MAP3K4: variants seen among roughly 807,000 people sequenced by gnomAD.
MAP3K4 encodes the protein MAP three kinase 1.
MAP3K4 carries 67 observed loss-of-function variants against 185.6 expected under a neutral mutation model. The ratio of observed to expected loss-of-function variants is 0.36; its 90% confidence interval spans 0.30 to 0.44. The LOEUF is 0.44. MAP3K4 is among the 20% of genes least tolerant of loss of function. MAP3K4 has a pLI of 1.00. For missense variants in MAP3K4, 1,551 were observed against 1,995.1 expected (o/e 0.78, Z 4.24); for synonymous variants, 702 against 710.4 (o/e 0.99, Z 0.19).
rs1364857670 is a variant in MAP3K4 at position 161,053,653 on chromosome 6, A to G, written c.1707+3674A>G. Among the ~76,000 whole-genome samples the G allele has an allele frequency of 6.8e-6, 1 of 146,174 alleles. No individual in the cohort carries two copies. Among genetic ancestry groups the G allele is most frequent in the Non-Finnish European group, 1.5e-5 (1 of 65,760 alleles). ...GTTTCCTAGGCTGGAGTGTAATGGG[A>G]AGATCTCGGCTCACTGCAACCTCTG... is the stretch of plus-strand genomic sequence containing the variant. On this transcript the variant is annotated intron_variant, in intron 3 of 26. Coordinates refer to ENST00000392142, the MANE Select transcript of MAP3K4 (RefSeq NM_005922.4). This position sits in a 1 kb window ranked among gnomAD's most constrained non-coding sequence, Gnocchi z 4.2.
At position 161,093,450 on chromosome 6, in the gene MAP3K4, G is replaced by A. The variant is rs1777416088; in HGVS notation, c.3349-323G>A. ...TAGTCTGATAAGTGTCATCAGATTAGCATGATATTGCTCAAAGTGTGAATT... is the reference window on the plus strand; with the variant it reads ...TAGTCTGATAAGTGTCATCAGATTAACATGATATTGCTCAAAGTGTGAATT... On this transcript the variant is annotated intron_variant, in intron 14 of 26. Coordinates refer to ENST00000392142, the MANE Select transcript of MAP3K4 (RefSeq NM_005922.4). This position sits in a 1 kb window ranked among gnomAD's most constrained non-coding sequence, Gnocchi z 5.2. Among the ~76,000 whole-genome samples the A allele has an allele frequency of 6.6e-6, 1 of 152,184 alleles. No homozygotes were observed. The highest frequency in any genetic ancestry group is 2.4e-5 in the African/African-American group (1 of 41,442).
chr6:161,001,774 C>T (rs1371140136), intron 1 of MAP3K4, among the ~76,000 whole-genome samples: 3 of 152,140 alleles, frequency 2.0e-5, no homozygotes. Flanking sequence ...TCTGTTTCCG[C>T]ATTTGAAAGG....
rs997486486 is a variant in MAP3K4, at chr6:161,070,562, G to A, written c.1708-46G>A. 6 of 1,576,434 alleles carry A rather than the reference G, an allele frequency of 3.8e-6. No homozygotes were observed. Among genetic ancestry groups the A allele is most frequent in the Admixed American group, 1.8e-5 (1 of 56,364 alleles). On this transcript the variant is annotated intron_variant, in intron 3 of 26. Coordinates refer to ENST00000392142, the MANE Select transcript of MAP3K4 (RefSeq NM_005922.4). The surrounding 1 kb of genome is among the most constrained non-coding windows in gnomAD (Gnocchi z 4.5). ...TTTATAACCACAACCGTAGAACGTT[G>A]TCTCGTATGCTCTTTTAATCTGTGC...
rs1436974779 is a variant in MAP3K4, at chr6:161,115,770, G to T, written c.4806+468G>T. Reference sequence around the variant, plus strand: ...CAGCCAGGTCAGAAGTGGGGGAGGGGGCATGGAAGACAAAGTAAAGAAACT... The same window carrying T: ...CAGCCAGGTCAGAAGTGGGGGAGGGTGCATGGAAGACAAAGTAAAGAAACT... On this transcript the variant is annotated intron_variant, in intron 26 of 26. Transcript: ENST00000392142. The surrounding 1 kb of genome is among the most constrained non-coding windows in gnomAD (Gnocchi z 6.0). Among the ~76,000 whole-genome samples, 1 of 152,056 alleles carries T rather than the reference G, an allele frequency of 6.6e-6. No individual in the cohort carries two copies. Among genetic ancestry groups the T allele is most frequent in the African/African-American group, 2.4e-5 (1 of 41,396 alleles).
At chr6:161,044,462 G>T (rs1042590865) in intron 2 of MAP3K4, among the ~76,000 whole-genome samples, 1 of 152,182 alleles carries the variant, frequency 6.6e-6, no homozygotes, top group African/African-American at 2.4e-5. Flanking sequence ...AGTCATGTCA[G>T]AGTGGGTAAA....
At chr6:161,068,968 A>G (rs1176441568) in intron 3 of MAP3K4, among the ~76,000 whole-genome samples, 2 of 152,224 alleles carry the variant, frequency 1.3e-5, no homozygotes, top group African/African-American at 4.8e-5. Flanking sequence ...GACTTAAGAT[A>G]TGGCTTCTTC....
intron 25 of MAP3K4, among the ~76,000 whole-genome samples, chr6:161,113,518 G>A (rs1443528413): frequency 6.6e-6 from 1 of 152,120 alleles, no homozygotes; most frequent in East Asian, 1.9e-4. Flanking sequence ...GTAAACTATG[G>A]ACTTCAGTTA....
chr6:161,019,804 T>G (rs1782292801), intron 1 of MAP3K4, among the ~76,000 whole-genome samples: 1 of 152,210 alleles, frequency 6.6e-6, no homozygotes, highest in Admixed American at 6.5e-5. Context: ...TAACTGTTAC[T>G]AGATAAAATG....
intron 1 of MAP3K4, among the ~76,000 whole-genome samples, chr6:161,001,204 G>A (rs1046179167): frequency 1.8e-4 from 27 of 148,944 alleles, no homozygotes; most frequent in African/African-American, 6.4e-4. Flanking sequence ...TCCAAATACT[G>A]AAAAATTTAC....
chr6:161,015,371 G>C (rs1782044345), intron 1 of MAP3K4, among the ~76,000 whole-genome samples: 1 of 152,098 alleles, frequency 6.6e-6, no homozygotes, highest in African/African-American at 2.4e-5. Flanking sequence ...CTACCTAGGT[G>C]ATGGGTCGAT....
chr6:161,048,665 A>C lies in MAP3K4; in HGVS notation c.393A>C (p.Thr131=). 1.2e-6 allele frequency: 2 copies of C among 1,613,264 alleles called. No homozygotes were observed. Among genetic ancestry groups the C allele is most frequent in the East Asian group, 2.2e-5 (1 of 44,870 alleles). Residue 131 remains threonine (T), a synonymous_variant, in exon 3 of 27, where the codon ACA becomes ACC. Coordinates refer to ENST00000392142, the MANE Select transcript of MAP3K4 (RefSeq NM_005922.4). This position sits in a 1 kb window ranked among gnomAD's most constrained non-coding sequence, Gnocchi z 4.7. The part of the protein sequence containing the change: ...NQPPHKDTGK[T]VENVEEYSYK... The stretch of plus-strand genomic sequence containing the variant: ...CTCCACATAAAGACACTGGAAAAAC[A>C]GTGGAGAATGTGGAAGAATACAGCT...
rs1406033369 is a variant in MAP3K4 at position 161,102,761 on chromosome 6, C to T, written c.3838C>T (p.Leu1280=). 4 of 1,478,620 alleles carry T rather than the reference C, an allele frequency of 2.7e-6. No homozygotes were observed. The highest frequency in any genetic ancestry group is 1.9e-6 in the Non-Finnish European group (2 of 1,078,844). The allele number at this position is 1,478,620 out of a possible 1,614,324, so 91.6% of individuals were successfully genotyped here. The change falls in exon 19 of 27, where the codon CTA becomes TTA. Residue 1280 remains leucine, a synonymous_variant. Transcript: ENST00000392142. ...AAGAAGAAGTTGGGAACTTCGGACA[C>T]TAATCAGCCAGAGTAAAGGTGAGAG... ...STRRSWELRT[L]ISQSKDTASK... is the part of the protein sequence containing the mutation.
At chr6:161,089,606 T>A in intron 11 of MAP3K4, 135 bp downstream of exon 11, 1 of 798,766 alleles carries the variant, frequency 1.3e-6, no homozygotes, top group Non-Finnish European at 1.9e-6. Flanking sequence ...CTCTTCCCAA[T>A]ACATATTTTC....
intron 1 of MAP3K4, among the ~76,000 whole-genome samples, chr6:161,010,224 T>G (rs1486351546): frequency 6.6e-6 from 1 of 152,186 alleles, no homozygotes; most frequent in Non-Finnish European, 1.5e-5. Context: ...TGGTACTATA[T>G]GCACCACATG....
intron 7 of MAP3K4, among the ~76,000 whole-genome samples, chr6:161,085,784 A>C (rs1176023287): frequency 2.0e-5 from 3 of 152,198 alleles, no homozygotes; most frequent in African/African-American, 7.2e-5. Flanking sequence ...AGAAGGCAGG[A>C]ATGAAGATGG....
intron 19 of MAP3K4, among the ~76,000 whole-genome samples, chr6:161,104,674 G>A (rs982082035): frequency 1.8e-4 from 26 of 141,126 alleles, no homozygotes; most frequent in Admixed American, 3.8e-4. Context: ...TCGTGCCCCT[G>A]TACTCCAGCC....
Position 161,098,530 on chromosome 6 carries a change from TGC to T in MAP3K4, c.3674+104_3674+105del. On this transcript the variant is annotated intron_variant, in intron 17 of 26. Coordinates refer to ENST00000392142, the MANE Select transcript of MAP3K4 (RefSeq NM_005922.4). This position sits in a 1 kb window ranked among gnomAD's most constrained non-coding sequence, Gnocchi z 4.4. ...TGTGCCGGCTGTGGTTGGGCTTCTT[TGC>T]TGTGGCGTGTGAGTGATGCTCTAGG... 2.2e-6 allele frequency: 3 copies of T among 1,392,660 alleles called. No homozygotes were observed. The highest frequency in any genetic ancestry group is 2.9e-6 in the Non-Finnish European group (3 of 1,037,460). The allele number at this position is 1,392,660 out of a possible 1,614,324, so 86.3% of individuals were successfully genotyped here. A position where few individuals can be genotyped will look rare whatever the true frequency, so the allele number is the denominator to read the frequency against.
At chr6:161,085,316 G>A (rs558373545) in intron 7 of MAP3K4, among the ~76,000 whole-genome samples, 16 of 152,076 alleles carry the variant, frequency 1.1e-4, no homozygotes, top group Non-Finnish European at 7.4e-5. Context: ...TTTATTCTTA[G>A]TGCATTCCTT....
In MAP3K4 at chr6:161,008,013, G is replaced by A. The variant is rs11963087; in HGVS notation, c.152+15930G>A. ...CTTTTTATGTGATAAATATGGTAAG[G>A]CATAGCTATTGTCTTCTATAAAATT... On this transcript the variant is annotated intron_variant, in intron 1 of 26. Transcript: ENST00000392142. This position sits in a 1 kb window ranked among gnomAD's most constrained non-coding sequence, Gnocchi z 4.1. Among the ~76,000 whole-genome samples the A allele has an allele frequency of 0.022, 3,287 of 152,222 alleles. 126 individuals carry two copies. The highest frequency in any genetic ancestry group is 0.076 in the African/African-American group (3,167 of 41,530).
Sources: allele counts gnomAD v4.1 joint callset (sites outside exome capture counted in the v4.1 genomes callset), GRCh38; gene constraint gnomAD v4.1.1; non-coding constraint Gnocchi (gnomAD v3.1); transcripts MANE v1.5; gene names NCBI Gene and HGNC (gene_info 2026-07-23, HGNC 2026-07-21).